SSH2: variants seen among roughly 807,000 people sequenced by gnomAD.
SSH2 encodes slingshot protein phosphatase 2.
SSH2 carries 37 observed loss-of-function variants against 135.2 expected under a neutral mutation model. The ratio of observed to expected loss-of-function variants is 0.27; its 90% CI spans 0.21 to 0.36. The LOEUF (loss-of-function observed/expected upper bound fraction) is 0.36, where lower values mean the gene tolerates loss of function less well. SSH2 is among the 10% of genes least tolerant of loss of function. SSH2 has a pLI of 1.00. For missense variants in SSH2, 1,408 were observed against 1,765.3 expected (o/e 0.80, Z 3.63); for synonymous variants, 628 against 646.2 (o/e 0.97, Z 0.43).
chr17:29,745,104 G>A lies in SSH2; in HGVS notation c.189-42042C>T, dbSNP rs576079406. ...GTGCTATGTGCCTAGTAGATACTCC[G>A]GATGCTCTGCCCATATGATATACCC... is the stretch of plus-strand genomic sequence containing the variant. On this transcript the variant is annotated intron_variant, in intron 3 of 15. Transcript: ENST00000540801. 4.6e-5 allele frequency among the ~76,000 whole-genome samples: 7 copies of A among 151,926 alleles called. No individual in the cohort carries two copies. The East Asian group carries it at 5.8e-4, about 13-fold the overall frequency.
intron 1 of SSH2, among the ~76,000 whole-genome samples, chr17:29,902,263 C>T (rs1405894639): frequency 6.6e-6 from 1 of 151,914 alleles, no homozygotes; most frequent in Non-Finnish European, 1.5e-5. Context: ...AGTAAAATAC[C>T]AACTCATATA....
At chr17:29,684,483 T>TA (rs11307211) in intron 6 of SSH2, 80 bp downstream of exon 6, 19,129 of 951,848 alleles carry the variant, frequency 0.02, 22 homozygotes, top group Non-Finnish European at 0.023. Flanking sequence ...CCGTCCCCAT[T>TA]AAAAAAAAAA....
chr17:29,793,412 G>A (rs2617884), intron 3 of SSH2, among the ~76,000 whole-genome samples: 2 of 151,838 alleles, frequency 1.3e-5, no homozygotes, highest in East Asian at 3.9e-4. Flanking sequence ...TATCAAATAT[G>A]AATGACAAAT....
intron 8 of SSH2, among the ~76,000 whole-genome samples, chr17:29,673,079 A>G (rs1026185395): frequency 6.6e-6 from 1 of 152,148 alleles, no homozygotes; most frequent in East Asian, 1.9e-4. Flanking sequence ...AAGAGTAAAC[A>G]AACAGAAAAG....
chr17:29,659,295 G>A (rs1006248538), intron 11 of SSH2, among the ~76,000 whole-genome samples: 2 of 152,134 alleles, frequency 1.3e-5, no homozygotes, highest in Admixed American at 6.5e-5. Context: ...CTTCCGTAGA[G>A]GCTGAAACAA....
chr17:29,633,932 GTA>G (rs1479608740), intron 15 of SSH2, among the ~76,000 whole-genome samples: 1 of 152,210 alleles, frequency 6.6e-6, no homozygotes, highest in Non-Finnish European at 1.5e-5. Context: ...AACAAGGTCA[GTA>G]ATGCCTTTGG....
intron 3 of SSH2, among the ~76,000 whole-genome samples, chr17:29,713,180 A>T (rs966246668): frequency 6.6e-6 from 1 of 151,800 alleles, no homozygotes; most frequent in Non-Finnish European, 1.5e-5. Context: ...CTAAAAATAT[A>T]AAAAATTAGC....
Position 29,672,084 on chromosome 17 carries a change from C to A in SSH2, c.660G>T (p.Ala220=). 2 of 1,614,084 alleles carry A rather than the reference C, an allele frequency of 1.2e-6. No homozygotes were observed. The highest frequency in any genetic ancestry group is 1.3e-5 in the African/African-American group (1 of 75,022). Residue 220 remains alanine, a synonymous_variant, in exon 9 of 16, where the codon GCG becomes GCT. Coordinates refer to ENST00000540801, the MANE Select transcript of SSH2 (RefSeq NM_001282129.2). The stretch of plus-strand genomic sequence containing the variant: ...ATAGGCTGCCTGGGTAGTAGTTATG[C>A]GCTCTGGCGACTTCACAAGCCTTGT... The part of the protein sequence containing the change: ...SLHKACEVAR[A]HNYYPGSLFL...
intron 1 of SSH2, among the ~76,000 whole-genome samples, chr17:29,852,786 G>A (rs776158032): frequency 6.6e-6 from 1 of 151,770 alleles, no homozygotes; most frequent in African/African-American, 2.4e-5. Flanking sequence ...TCCTCACCTC[G>A]TGATCCACCC....
intron 3 of SSH2, among the ~76,000 whole-genome samples, chr17:29,759,310 A>G (rs2041220297): frequency 6.6e-6 from 1 of 152,232 alleles, no homozygotes; most frequent in African/African-American, 2.4e-5. Context: ...TGCTGGGACT[A>G]TAGGTGTGAG....
intron 2 of SSH2, among the ~76,000 whole-genome samples, chr17:29,824,628 C>G (rs2042713339): frequency 6.6e-6 from 1 of 152,124 alleles, no homozygotes; most frequent in African/African-American, 2.4e-5. Context: ...ATTCGGCTAC[C>G]TGGAGGAAAT....
intron 2 of SSH2, among the ~76,000 whole-genome samples, chr17:29,817,737 T>A (rs993508717): frequency 6.6e-6 from 1 of 152,176 alleles, no homozygotes; most frequent in African/African-American, 2.4e-5. Context: ...AGATAACCTA[T>A]GAACAATCTC....
chr17:29,644,005 A>G (rs1248377841), intron 14 of SSH2, among the ~76,000 whole-genome samples: 1 of 152,242 alleles, frequency 6.6e-6, no homozygotes, highest in Non-Finnish European at 1.5e-5. Context: ...CTGTTAACTA[A>G]GGAAGGTGGA....
At chr17:29,794,620 C>G (rs1599009811) in intron 2 of SSH2, among the ~76,000 whole-genome samples, 1 of 152,176 alleles carries the variant, frequency 6.6e-6, no homozygotes. Flanking sequence ...ACAAAAAGCA[C>G]TGAATCATAG....
intron 2 of SSH2, among the ~76,000 whole-genome samples, chr17:29,802,719 C>T (rs2042273154): frequency 1.3e-5 from 2 of 151,126 alleles, no homozygotes; most frequent in African/African-American, 4.9e-5. Context: ...GAATGAGAGT[C>T]TGATAAATTT....
chr17:29,669,118 G>C (rs1197569574), intron 9 of SSH2, among the ~76,000 whole-genome samples: 1 of 151,812 alleles, frequency 6.6e-6, no homozygotes, highest in Non-Finnish European at 1.5e-5. Flanking sequence ...GCATGGTGGT[G>C]GGTGCCTGTA....
intron 14 of SSH2, among the ~76,000 whole-genome samples, chr17:29,642,719 A>G (rs2036214527): frequency 6.6e-6 from 1 of 152,146 alleles, no homozygotes; most frequent in African/African-American, 2.4e-5. Flanking sequence ...CAGGCTCTTA[A>G]TGATATACTG....
intron 1 of SSH2, among the ~76,000 whole-genome samples, chr17:29,924,305 C>T (rs2067026293): frequency 6.6e-6 from 1 of 152,068 alleles, no homozygotes; most frequent in Admixed American, 6.6e-5. Context: ...TATATTTAAT[C>T]CATATGTACA....
intron 6 of SSH2, among the ~76,000 whole-genome samples, chr17:29,679,338 G>C (rs763747617): frequency 2.0e-5 from 3 of 152,100 alleles, no homozygotes; most frequent in Non-Finnish European, 4.4e-5. Context: ...TGGGTTCACA[G>C]TATGATTATG....
Sources: gnomAD v4.1 joint callset for allele counts (sites outside exome capture counted in the v4.1 genomes callset) on GRCh38, gnomAD v4.1.1 for gene constraint, MANE v1.5 for transcripts, NCBI Gene and HGNC (gene_info 2026-07-23, HGNC 2026-07-21) for gene names.